Variants in LRRC3B observed in about 807,000 individuals in gnomAD.
LRRC3B encodes leucine rich repeat containing 3B.
Under a neutral mutation model 12.8 loss-of-function variants are expected in LRRC3B, and 2 were observed. The ratio of observed to expected loss-of-function variants is 0.16; its 90% CI spans 0.06 to 0.49. The LOEUF is 0.49. Among genes scored for constraint, LRRC3B ranks in the 20% least tolerant of loss-of-function variants. The pLI, the probability that LRRC3B is intolerant of heterozygous loss-of-function variation, is 0.96. For synonymous variants in LRRC3B, 132 were observed against 122.0 expected, an observed-to-expected ratio of 1.08 and a Z score of -0.54; for missense variants, 189 against 319.4, an observed-to-expected ratio of 0.59 and a Z score of 3.11.
intron 1 of LRRC3B, among the ~76,000 whole-genome samples, chr3:26,630,733 G>C (rs927536560): frequency 6.6e-6 from 1 of 152,124 alleles, no homozygotes; most frequent in African/African-American, 2.4e-5. Context: ...CAAGTTCATG[G>C]ATGCCTTGAA....
At chr3:26,671,350 G>A (rs6799713) in intron 1 of LRRC3B, among the ~76,000 whole-genome samples, 11,851 of 56,564 alleles carry the variant, frequency 0.21, 2,506 homozygotes, top group African/African-American at 0.5. Flanking sequence ...ATATATGTGT[G>A]TATATATATA....
At chr3:26,645,928 T>C (rs1699134124) in intron 1 of LRRC3B, among the ~76,000 whole-genome samples, 1 of 152,146 alleles carries the variant, frequency 6.6e-6, no homozygotes, top group South Asian at 2.1e-4. Flanking sequence ...CATATCAAGG[T>C]CAAAGGCCTT....
At chr3:26,652,190 C>A (rs1699278579) in intron 1 of LRRC3B, among the ~76,000 whole-genome samples, 1 of 152,198 alleles carries the variant, frequency 6.6e-6, no homozygotes, top group Non-Finnish European at 1.5e-5. Flanking sequence ...TAATGTTTCG[C>A]TTTCTGAAAA....
At chr3:26,654,396 T>A (rs1345643205) in intron 1 of LRRC3B, among the ~76,000 whole-genome samples, 1 of 152,148 alleles carries the variant, frequency 6.6e-6, no homozygotes, top group African/African-American at 2.4e-5. Context: ...TATATATAAA[T>A]TAAACCAGAA....
rs1186942021 is a variant in LRRC3B at position 26,671,346 on chromosome 3, G to GTATATATATATATATA, written c.-160-38166_-160-38165insATATATATATATATAT. Among the ~76,000 whole-genome samples, 137 of 56,318 alleles carry GTATATATATATATATA rather than the reference G, an allele frequency of 2.4e-3. 15 individuals carry two copies. Among genetic ancestry groups the GTATATATATATATATA allele is most frequent in the African/African-American group, 0.014 (128 of 8,832 alleles). The allele number at this position is 56,318 out of a possible 152,430, so 36.9% of individuals were successfully genotyped here. ...ATCTTATAAATGTGTGTGTATATAT[G>GTATATATATATATATA]TGTGTATATATATATATATATATAT... On this transcript the variant is annotated intron_variant, in intron 1 of 1. Coordinates refer to ENST00000396641, the Ensembl canonical transcript of LRRC3B.
intron 1 of LRRC3B, among the ~76,000 whole-genome samples, chr3:26,653,854 A>G (rs1466119088): frequency 6.6e-6 from 1 of 152,234 alleles, no homozygotes; most frequent in East Asian, 1.9e-4. Flanking sequence ...ATTGAAAACA[A>G]TAGTTCACCT....
intron 1 of LRRC3B, among the ~76,000 whole-genome samples, chr3:26,673,910 G>A (rs914614193): frequency 6.6e-6 from 1 of 152,186 alleles, no homozygotes; most frequent in East Asian, 1.9e-4. Flanking sequence ...GACCACATTG[G>A]AAAGCCAGCC....
At chr3:26,644,334 G>T (rs1699097180) in intron 1 of LRRC3B, among the ~76,000 whole-genome samples, 1 of 152,216 alleles carries the variant, frequency 6.6e-6, no homozygotes. Context: ...CAGTACCTAT[G>T]TCAGAAGTGT....
chr3:26,634,424 A>G (rs2125402599), intron 1 of LRRC3B, among the ~76,000 whole-genome samples: 1 of 152,320 alleles, frequency 6.6e-6, no homozygotes, highest in South Asian at 2.1e-4. Flanking sequence ...GGGAAGAAAA[A>G]CGTAGGTGTA....
Position 26,693,561 on chromosome 3 carries a change from G to T in LRRC3B, c.-160-15952G>T, listed in dbSNP as rs534399343. Among the ~76,000 whole-genome samples the T allele has an allele frequency of 1.4e-3, 215 of 152,304 alleles. 1 individual carries two copies. Among genetic ancestry groups the T allele is most frequent in the Non-Finnish European group, 5.4e-4 (37 of 68,028 alleles). On this transcript the variant is annotated intron_variant, in intron 1 of 1. Coordinates refer to ENST00000396641, the Ensembl canonical transcript of LRRC3B. ...TAATACAAGATGAGGAATCATGGAA[G>T]TCAGTTTTGGAAGCAATCTATCAAA...
intron 1 of LRRC3B, among the ~76,000 whole-genome samples, chr3:26,666,705 A>G (rs1336375830): frequency 2.0e-5 from 3 of 152,166 alleles, no homozygotes; most frequent in Non-Finnish European, 4.4e-5. Context: ...TTACATCACT[A>G]TCAATCAAAC....
Position 26,649,360 on chromosome 3 carries a change from C to G in LRRC3B, c.-161+26123C>G, listed in dbSNP as rs74455743. Among the ~76,000 whole-genome samples the G allele has an allele frequency of 4.9e-3, 747 of 151,878 alleles. 6 individuals carry two copies. The highest frequency in any genetic ancestry group is 0.017 in the African/African-American group (712 of 41,456). The stretch of plus-strand genomic sequence containing the variant: ...GATTCATAAAGAATTATTTGCCTCT[C>G]TGGTTTCTCCTCTATTTTGTTTCTT... On this transcript the variant is annotated intron_variant, in intron 1 of 1. Transcript: ENST00000396641.
intron 1 of LRRC3B, among the ~76,000 whole-genome samples, chr3:26,636,806 TTCCCTCCCTCCC>T (rs538189205): frequency 2.5e-5 from 2 of 78,610 alleles, no homozygotes; most frequent in Non-Finnish European, 4.5e-5. Flanking sequence ...TAGTCTTTCT[TTCCCTCCCTCCC>T]TCCCTCCCTC....
chr3:26,683,878 C>G (rs1309061215), intron 1 of LRRC3B, among the ~76,000 whole-genome samples: 1 of 152,176 alleles, frequency 6.6e-6, no homozygotes, highest in African/African-American at 2.4e-5. Flanking sequence ...TACTTTATAG[C>G]ACTTTGTCAG....
chr3:26,662,401 A>AT (rs1295352188), intron 1 of LRRC3B, among the ~76,000 whole-genome samples: 3 of 151,964 alleles, frequency 2.0e-5, no homozygotes, highest in African/African-American at 7.3e-5. Flanking sequence ...CCGGATTAAA[A>AT]TTTTCTGCCA....
intron 1 of LRRC3B, among the ~76,000 whole-genome samples, chr3:26,627,417 A>C (rs1441112088): frequency 6.6e-6 from 1 of 152,132 alleles, no homozygotes; most frequent in African/African-American, 2.4e-5. Flanking sequence ...TCCATCTCTA[A>C]TGCTGTGGCA....
intron 1 of LRRC3B, among the ~76,000 whole-genome samples, chr3:26,645,734 A>T (rs965715038): frequency 1.3e-5 from 2 of 152,152 alleles, no homozygotes; most frequent in Non-Finnish European, 2.9e-5. Context: ...AATTAAAGGA[A>T]TGGATGTATT....
At chr3:26,639,994 T>A (rs532361861) in intron 1 of LRRC3B, among the ~76,000 whole-genome samples, 2 of 152,194 alleles carry the variant, frequency 1.3e-5, no homozygotes, top group East Asian at 3.9e-4. Flanking sequence ...CTACACCAAA[T>A]CAGGATGGAT....
chr3:26,699,628 A>G (rs891665514), intron 1 of LRRC3B, among the ~76,000 whole-genome samples: 2 of 152,320 alleles, frequency 1.3e-5, no homozygotes, highest in South Asian at 2.1e-4. Flanking sequence ...CAGAAGTACA[A>G]CTGAATTCAC....
Sources: allele counts gnomAD v4.1 joint callset (sites outside exome capture counted in the v4.1 genomes callset), GRCh38; gene constraint gnomAD v4.1.1; transcripts MANE v1.5; gene names NCBI Gene and HGNC (gene_info 2026-07-23, HGNC 2026-07-21).